Variants in ANXA4 observed in about 807,000 individuals in gnomAD.
ANXA4 encodes annexin A4.
ANXA4 carries 39 observed loss-of-function variants against 49.8 expected under a neutral mutation model. The observed-to-expected ratio is 0.78, with a 90% CI of 0.61 to 1.02. The LOEUF (loss-of-function observed/expected upper bound fraction) is 1.02, where lower values mean the gene tolerates loss of function less well. ANXA4 is among the 50% of genes least tolerant of loss of function. ANXA4 has a pLI of 0.00. For missense variants in ANXA4, 360 were observed against 410.1 expected (o/e 0.88, Z 1.05); for synonymous variants, 134 against 152.5 (o/e 0.88, Z 0.89).
intron 1 of ANXA4, among the ~76,000 whole-genome samples, chr2:69,647,490 C>A (rs978213611): frequency 4.6e-5 from 7 of 151,744 alleles, no homozygotes; most frequent in African/African-American, 1.5e-4. Context: ...CTCACTGCAA[C>A]CTCTGCCTCC....
chr2:69,698,207 A>G (rs76567690), intron 2 of ANXA4, among the ~76,000 whole-genome samples: 241 of 152,256 alleles, frequency 1.6e-3, no homozygotes, highest in Non-Finnish European at 3.1e-3. Context: ...CACTAATCTC[A>G]TTCATGAGGG....
chr2:69,657,276 G>A (rs114859818), intron 2 of ANXA4, among the ~76,000 whole-genome samples: 4,363 of 151,972 alleles, frequency 0.029, 91 homozygotes, highest in Non-Finnish European at 0.045. Flanking sequence ...TTACAAGCAT[G>A]AGCCACCGTG....
rs1179799964 is a variant in ANXA4, at chr2:69,700,959, G to A, written n.767-19815G>A. On this transcript the variant is annotated intron_variant and non_coding_transcript_variant, in intron 2 of 3. Coordinates refer to the ANXA4 transcript ENST00000418066. ...GTGATCTCAGCTCACTACAACCTCC[G>A]CCTCCCAGGTTCAAGAAATTCTCCT... Among the ~76,000 whole-genome samples the A allele has an allele frequency of 2.6e-5, 4 of 151,934 alleles. No homozygotes were observed. The East Asian group carries it at 5.8e-4, about 22-fold the overall frequency.
chr2:69,737,104 A>G (rs980620786), upstream of ANXA4, among the ~76,000 whole-genome samples: 10 of 152,076 alleles, frequency 6.6e-5, no homozygotes, highest in African/African-American at 2.4e-4. Context: ...CACCCAGCCT[A>G]CTCTCAGCAT....
chr2:69,649,696 C>T (rs145305326), intron 1 of ANXA4, among the ~76,000 whole-genome samples: 10,423 of 148,296 alleles, frequency 0.07, 1,087 homozygotes, highest in East Asian at 0.37. Context: ...ACTGCAGCCT[C>T]GACCTCCTGG....
At chr2:69,733,189 A>G (rs1357946289) in intron 3 of ANXA4, among the ~76,000 whole-genome samples, 1 of 152,264 alleles carries the variant, frequency 6.6e-6, no homozygotes, top group East Asian at 1.9e-4. Context: ...AATGAAAATT[A>G]ACATCTGAAT....
At chr2:69,656,295 GTATA>G (rs200640861) in intron 2 of ANXA4, among the ~76,000 whole-genome samples, 3 of 101,308 alleles carry the variant, frequency 3.0e-5, no homozygotes, top group African/African-American at 1.2e-4. Context: ...ATACATATAT[GTATA>G]TATATGTATA....
intron 3 of ANXA4, among the ~76,000 whole-genome samples, chr2:69,733,431 C>G (rs750661520): frequency 6.6e-6 from 1 of 151,910 alleles, no homozygotes; most frequent in Admixed American, 6.6e-5. Flanking sequence ...TAGTGAGACC[C>G]CATCTACAAA....
At chr2:69,787,027 TTTC>T (rs1672446785) in intron 2 of ANXA4, among the ~76,000 whole-genome samples, 1 of 152,140 alleles carries the variant, frequency 6.6e-6, no homozygotes, top group Non-Finnish European at 1.5e-5. Flanking sequence ...ATCCGGCCTG[TTTC>T]TTCTTTATAT....
chr2:69,747,719 T>C (rs954221871), intron 1 of ANXA4, among the ~76,000 whole-genome samples: 3 of 152,168 alleles, frequency 2.0e-5, no homozygotes, highest in African/African-American at 7.2e-5. Context: ...GGGGTCTTGC[T>C]CTGTAGTCCA....
At chr2:69,660,117 A>G (rs1230840850) in intron 2 of ANXA4, among the ~76,000 whole-genome samples, 1 of 152,214 alleles carries the variant, frequency 6.6e-6, no homozygotes, top group Non-Finnish European at 1.5e-5. Context: ...GTATGTATGT[A>G]TGTATTTCTT....
intron 2 of ANXA4, among the ~76,000 whole-genome samples, chr2:69,683,195 C>T (rs986521361): frequency 6.6e-6 from 1 of 152,136 alleles, no homozygotes; most frequent in South Asian, 2.1e-4. Flanking sequence ...TTCTAACAAA[C>T]TCAGGCCTGC....
At chr2:69,733,613 GA>G (rs765187064) in intron 3 of ANXA4, among the ~76,000 whole-genome samples, 1,384 of 119,754 alleles carry the variant, frequency 0.012, 11 homozygotes, top group African/African-American at 0.027. Context: ...CCCTGTCTTA[GA>G]AAAAAAAAAA....
intron 2 of ANXA4, among the ~76,000 whole-genome samples, chr2:69,684,455 G>T (rs879925319): frequency 7.2e-5 from 11 of 152,078 alleles, no homozygotes; most frequent in Non-Finnish European, 1.0e-4. Context: ...CACCAGGTAT[G>T]GTCGAGTGCA....
intron 2 of ANXA4, among the ~76,000 whole-genome samples, chr2:69,667,321 G>A (rs1400017924): frequency 6.6e-6 from 1 of 151,900 alleles, no homozygotes; most frequent in Non-Finnish European, 1.5e-5. Context: ...AAACTGGCAC[G>A]TGAATACCTC....
Position 69,764,366 on chromosome 2 carries a change from T to C in ANXA4, c.-46-17154T>C, listed in dbSNP as rs367709664. ...TGAGAACAGATCAGGAAACATGATA[T>C]AACCCTAACCATGCTTGACACATTT... On this transcript the variant is annotated intron_variant, in intron 1 of 12. Transcript: ENST00000394295. Among the ~76,000 whole-genome samples the C allele has an allele frequency of 8.4e-4, 128 of 152,360 alleles. 1 individual carries two copies. The highest frequency in any genetic ancestry group is 2.8e-3 in the African/African-American group (118 of 41,586).
At chr2:69,802,800 G>A (rs938977629) in intron 3 of ANXA4, among the ~76,000 whole-genome samples, 8 of 152,062 alleles carry the variant, frequency 5.3e-5, no homozygotes, top group Non-Finnish European at 1.2e-4. Context: ...AACAGGGAAT[G>A]AACAAAAGGT....
chr2:69,780,220 T>C (rs1182286720), intron 1 of ANXA4, among the ~76,000 whole-genome samples: 1 of 152,078 alleles, frequency 6.6e-6, no homozygotes, highest in African/African-American at 2.4e-5. Context: ...TTTGAGACAG[T>C]GTCTCACTCT....
chr2:69,653,479 G>A (rs978245833), intron 2 of ANXA4, among the ~76,000 whole-genome samples: 18 of 152,144 alleles, frequency 1.2e-4, no homozygotes, highest in African/African-American at 4.1e-4. Context: ...GAGTCCTGGG[G>A]ACACAGGAAC....
Sources: allele counts gnomAD v4.1 joint callset (sites outside exome capture counted in the v4.1 genomes callset), GRCh38; gene constraint gnomAD v4.1.1; transcripts MANE v1.5; gene names NCBI Gene and HGNC (gene_info 2026-07-23, HGNC 2026-07-21).